Variants in FUCA1 observed in about 807,000 individuals in gnomAD.
FUCA1 encodes the protein alpha-L-fucosidase 1, also known as tissue alpha-L-fucosidase.
FUCA1 carries 52 observed loss-of-function variants against 56.8 expected under a neutral mutation model. The observed-to-expected ratio is 0.92, with a 90% CI of 0.73 to 1.15. FUCA1 has a LOEUF of 1.15. FUCA1 is among the 50% of genes most tolerant of loss of function. The pLI, the probability that FUCA1 is intolerant of heterozygous loss-of-function variation, is 0.00. For synonymous variants in FUCA1, 230 were observed against 226.6 expected, an observed-to-expected ratio of 1.02 and a Z score of -0.14; for missense variants, 568 against 592.6, an observed-to-expected ratio of 0.96 and a Z score of 0.43.
chr1:23,848,745 A>AG lies in FUCA1; in HGVS notation c.1063dup (p.Leu355ProfsTer57). 6.2e-7 allele frequency: 1 copy of AG among 1,614,200 alleles called. No individual in the cohort carries two copies. Among genetic ancestry groups the AG allele is most frequent in the South Asian group, 1.1e-5 (1 of 91,082 alleles). ...GCTCAGCCATTTCCCAACAGCAAGAAGCCTTTCTTGGAAGATGGGAACAAT... is the reference window on the plus strand; with the variant it reads ...GCTCAGCCATTTCCCAACAGCAAGAAGGCCTTTCTTGGAAGATGGGAACAAT... On this transcript the variant is annotated frameshift_variant, in exon 6 of 8. Transcript: ENST00000374479. LOFTEE classifies it high-confidence loss of function.
intron 4 of FUCA1, among the ~76,000 whole-genome samples, chr1:23,856,261 C>T (rs1639387887): frequency 6.6e-6 from 1 of 152,148 alleles, no homozygotes; most frequent in Non-Finnish European, 1.5e-5. Flanking sequence ...ATAAAGGTGT[C>T]TCCTTGCCAC....
chr1:23,862,952 C>T (rs1639539190), intron 3 of FUCA1, among the ~76,000 whole-genome samples, 182 bp downstream of exon 3: 1 of 152,212 alleles, frequency 6.6e-6, no homozygotes, highest in Non-Finnish European at 1.5e-5. Context: ...GGCCACATGA[C>T]AGAAGTTCTG....
intron 4 of FUCA1, among the ~76,000 whole-genome samples, chr1:23,857,842 G>T (rs949817702): frequency 6.6e-6 from 1 of 151,156 alleles, no homozygotes; most frequent in African/African-American, 2.4e-5. Flanking sequence ...CCTAATTTTT[G>T]TATTTTCAGT....
At chr1:23,864,394 A>T (rs551696583) in intron 2 of FUCA1, among the ~76,000 whole-genome samples, 1 of 152,026 alleles carries the variant, frequency 6.6e-6, no homozygotes, top group Non-Finnish European at 1.5e-5. Flanking sequence ...GGCCAAACTA[A>T]TAGTTCTTAA....
Position 23,864,842 on chromosome 1 carries a change from C to T in FUCA1, c.524+649G>A, listed in dbSNP as rs577842979. Among the ~76,000 whole-genome samples the T allele has an allele frequency of 5.6e-4, 85 of 151,862 alleles. No individual in the cohort carries two copies. The South Asian group carries it at 0.015, about 27-fold the overall frequency. ...ACCTCAGCCTCCCGAGTTGCTGGGA[C>T]TACAGGCAAACGCCACCACGCCCGG... On this transcript the variant is annotated intron_variant, in intron 2 of 7. Coordinates refer to ENST00000374479, the MANE Select transcript of FUCA1 (RefSeq NM_000147.5).
At chr1:23,856,912 A>G (rs145638484) in intron 4 of FUCA1, among the ~76,000 whole-genome samples, 1,721 of 152,094 alleles carry the variant, frequency 0.011, 44 homozygotes, top group African/African-American at 0.039. Context: ...GAATTGTGTG[A>G]ACCCAGGAGG....
intron 3 of FUCA1, among the ~76,000 whole-genome samples, chr1:23,860,265 T>C (rs1639479091): frequency 6.6e-6 from 1 of 152,056 alleles, no homozygotes; most frequent in South Asian, 2.1e-4. Context: ...ATAAAACCAG[T>C]TTGCTAATAA....
At chr1:23,853,469 G>A (rs1297427322) in intron 5 of FUCA1, among the ~76,000 whole-genome samples, 6 of 149,890 alleles carry the variant, frequency 4.0e-5, no homozygotes, top group African/African-American at 1.2e-4. Flanking sequence ...CCAGCCAGCC[G>A]CCCGGTCCGG....
At position 23,867,375 on chromosome 1, in the gene FUCA1, C is replaced by T. The variant is rs924872084; in HGVS notation, c.389+523G>A. On this transcript the variant is annotated intron_variant, in intron 1 of 7. Transcript: ENST00000374479. The surrounding 1 kb of genome is among the most constrained non-coding windows in gnomAD (Gnocchi z 4.9). ...CGTAAAAGGGATTGAGAGGAGCAAA[C>T]GAATGACTATCTGTACTGTTGCCCA... Among the ~76,000 whole-genome samples the T allele has an allele frequency of 6.6e-6, 1 of 152,166 alleles. No homozygotes were observed. The highest frequency in any genetic ancestry group is 1.5e-5 in the Non-Finnish European group (1 of 68,040).
chr1:23,861,247 C>T (rs960229502), intron 3 of FUCA1, among the ~76,000 whole-genome samples: 131 of 143,346 alleles, frequency 9.1e-4, no homozygotes, highest in African/African-American at 3.1e-3. Context: ...GGCGTGAACC[C>T]GGGAGGCGGA....
chr1:23,845,746 G>T lies in FUCA1; in HGVS notation c.1370C>A (p.Ala457Asp). 1 of 1,614,208 alleles carries T rather than the reference G, an allele frequency of 6.2e-7. No individual in the cohort carries two copies. Among genetic ancestry groups the T allele is most frequent in the Non-Finnish European group, 8.5e-7 (1 of 1,180,026 alleles). ...LPPSAVPAEFAWTIKLTGVK is the reference protein window; with the variant it reads ...LPPSAVPAEFDWTIKLTGVK The stretch of plus-strand genomic sequence containing the variant: ...CACTCCTGTCAGCTTTATAGTCCAA[G>T]CAAACTCTGCGGGGACAGCAGAGGG... The change falls in exon 8 of 8, where the codon GCT becomes GAT. Residue 457 changes from alanine (A) to aspartate (D), a missense_variant. Ala to Asp is a moderately radical substitution (Grantham distance 126). Transcript: ENST00000374479.
At chr1:23,854,279 C>G in intron 5 of FUCA1, 81 bp downstream of exon 5, 6 of 1,222,314 alleles carry the variant, frequency 4.9e-6, no homozygotes, top group Non-Finnish European at 7.1e-6. Flanking sequence ...TTTTTGCAAG[C>G]TTTTGAACAT....
chr1:23,852,027 T>TA (rs1245845826), intron 5 of FUCA1, among the ~76,000 whole-genome samples: 5 of 149,994 alleles, frequency 3.3e-5, no homozygotes, highest in Non-Finnish European at 7.4e-5. Context: ...AAGTAAAATT[T>TA]AAAAAAAGAG....
At position 23,848,833 on chromosome 1, in the gene FUCA1, C is replaced by G. The variant is rs1172298179; in HGVS notation, c.976G>C (p.Val326Leu). Residue 326 changes from valine to leucine, a missense_variant, in exon 6 of 8, where the codon GTT becomes CTT. By Grantham distance (32) the Val-to-Leu change is conservative. Coordinates refer to ENST00000374479, the MANE Select transcript of FUCA1 (RefSeq NM_000147.5). ...TEESEIISEL[V>L]QTVSLGGNYL... ...TTGCCTCCCAAACTTACTGTCTGAA[C>G]CAGTTCCTGGAGAGAACAGAAACAA... The G allele has an allele frequency of 1.1e-5, 17 of 1,613,978 alleles. No homozygotes were observed. Among genetic ancestry groups the G allele is most frequent in the Non-Finnish European group, 1.4e-5 (17 of 1,179,868 alleles).
chr1:23,852,340 G>C (rs1241482979), intron 5 of FUCA1, among the ~76,000 whole-genome samples: 1 of 151,950 alleles, frequency 6.6e-6, no homozygotes, highest in Non-Finnish European at 1.5e-5. Context: ...AGGACCACTT[G>C]AGCCCCAGGA....
chr1:23,845,588 A>C lies in FUCA1; in HGVS notation c.*127T>G. ...GTAATGTACTCAGTTCCTTTAATTAAAATGTGTTGGAAAAGCCATCTCTGG... is the reference window on the plus strand; with the variant it reads ...GTAATGTACTCAGTTCCTTTAATTACAATGTGTTGGAAAAGCCATCTCTGG... On this transcript the variant is annotated 3_prime_UTR_variant, in exon 8 of 8. Coordinates refer to ENST00000374479, the MANE Select transcript of FUCA1 (RefSeq NM_000147.5). The C allele has an allele frequency of 9.0e-7, 1 of 1,112,396 alleles. No homozygotes were observed. Among genetic ancestry groups the C allele is most frequent in the East Asian group, 2.3e-5 (1 of 42,624 alleles). The allele number at this position is 1,112,396 out of a possible 1,614,324, so 68.9% of individuals were successfully genotyped here.
At chr1:23,846,259 A>G in intron 6 of FUCA1, 86 bp from the exon 7 acceptor site, 2 of 923,112 alleles carry the variant, frequency 2.2e-6, no homozygotes, top group Non-Finnish European at 1.7e-6. Context: ...TTTTAATGTT[A>G]ATTTTCTTTT....
rs1350688978 is a variant in FUCA1, at chr1:23,865,592, G to A, written c.423C>T (p.Gly141=). The A allele has an allele frequency of 5.6e-6, 9 of 1,614,098 alleles. No homozygotes were observed. The highest frequency in any genetic ancestry group is 5.9e-6 in the Non-Finnish European group (7 of 1,180,048). ...ACACAGGACTCGGCCAGTTTGTGAA[G>A]CCTTCGTGATGCTTTGTCGTCAAAA... is the stretch of plus-strand genomic sequence containing the variant. ...YVVLTTKHHE[G]FTNWPSPVSW... The change falls in exon 2 of 8, where the codon GGC becomes GGT. Residue 141 remains glycine, a synonymous_variant. Coordinates refer to ENST00000374479, the MANE Select transcript of FUCA1 (RefSeq NM_000147.5).
chr1:23,863,476 A>C (rs1367842034), intron 2 of FUCA1, among the ~76,000 whole-genome samples: 1 of 152,278 alleles, frequency 6.6e-6, no homozygotes, highest in East Asian at 1.9e-4. Flanking sequence ...GATTAAACAC[A>C]TAACTACCTT....
Sources: allele counts gnomAD v4.1 joint callset (sites outside exome capture counted in the v4.1 genomes callset), GRCh38; gene constraint gnomAD v4.1.1; non-coding constraint Gnocchi (gnomAD v3.1); transcripts MANE v1.5; gene names NCBI Gene and HGNC (gene_info 2026-07-23, HGNC 2026-07-21).